The following PLA2G5 variants were observed in gnomAD, a reference collection of about 807,000 sequenced individuals.
PLA2G5 encodes the protein phospholipase A2 group V.
Under a neutral mutation model 15.9 loss-of-function variants are expected in PLA2G5, and 12 were observed. The observed-to-expected ratio is 0.76, with a 90% CI of 0.48 to 1.23. The LOEUF (loss-of-function observed/expected upper bound fraction) is 1.23. PLA2G5 is among the 50% of genes most tolerant of loss of function. The pLI is 0.00. For missense variants in PLA2G5, 169 were observed against 177.1 expected (o/e 0.95, Z 0.26); for synonymous variants, 71 against 71.4 (o/e 0.99, Z 0.03).
intron 1 of PLA2G5, among the ~76,000 whole-genome samples, chr1:20,044,254 C>A (rs897526211): frequency 1.3e-5 from 2 of 152,156 alleles, no homozygotes; most frequent in Non-Finnish European, 2.9e-5. Flanking sequence ...GGAGGTATGG[C>A]TGGGTTTTTT....
intron 1 of PLA2G5, among the ~76,000 whole-genome samples, chr1:20,036,573 CTT>C (rs1447898921): frequency 6.6e-6 from 1 of 152,072 alleles, no homozygotes; most frequent in Admixed American, 6.5e-5. Flanking sequence ...GTAAGTGTGT[CTT>C]TTATTTCCTG....
chr1:20,080,970 T>G (rs1408525964), intron 1 of PLA2G5, among the ~76,000 whole-genome samples: 1 of 151,866 alleles, frequency 6.6e-6, no homozygotes, highest in African/African-American at 2.4e-5. Flanking sequence ...GGCTCAGCAG[T>G]GCCTTCCGTG....
In PLA2G5 at chr1:20,091,767, A is replaced by T. The variant is rs1031717190; in HGVS notation, c.*1075A>T. On this transcript the variant is annotated 3_prime_UTR_variant, in exon 5 of 5. Transcript: ENST00000375108. ...AGAAGAAAGGATGTATTCCAAAACA[A>T]AGGAACATCCTTCCAAGAAAGGACC... 3.9e-5 allele frequency among the ~76,000 whole-genome samples: 6 copies of T among 152,252 alleles called. No homozygotes were observed. The highest frequency in any genetic ancestry group is 1.2e-4 in the African/African-American group (5 of 41,468).
At chr1:20,052,476 C>T (rs942935412) in intron 1 of PLA2G5, among the ~76,000 whole-genome samples, 4 of 152,166 alleles carry the variant, frequency 2.6e-5, no homozygotes, top group Admixed American at 1.3e-4. Context: ...GCATGGACCT[C>T]AGAGTAATGT....
At chr1:20,087,092 A>G (rs917691732) in intron 3 of PLA2G5, among the ~76,000 whole-genome samples, 7 of 152,236 alleles carry the variant, frequency 4.6e-5, no homozygotes, top group African/African-American at 1.7e-4. Flanking sequence ...ACTCCTGTTT[A>G]GCTTATTGTA....
intron 1 of PLA2G5, among the ~76,000 whole-genome samples, chr1:20,071,294 A>T (rs1000316640): frequency 6.6e-6 from 1 of 152,068 alleles, no homozygotes; most frequent in Non-Finnish European, 1.5e-5. Flanking sequence ...TTCAACAAAC[A>T]TTTTTTCCTA....
chr1:20,060,836 G>A (rs546929647), intron 2 of PLA2G5, among the ~76,000 whole-genome samples: 2 of 151,530 alleles, frequency 1.3e-5, no homozygotes, highest in Middle Eastern at 3.4e-3. Context: ...TCCTGCCTCA[G>A]ACCCCTGAGT....
In PLA2G5 at chr1:20,031,421, T is replaced by G. The variant is rs561945240; in HGVS notation, n.276+2712T>G. Among the ~76,000 whole-genome samples the G allele has an allele frequency of 5.9e-5, 9 of 151,756 alleles. No homozygotes were observed. In the South Asian group the frequency reaches 1.9e-3, roughly 32 times the overall value. The stretch of plus-strand genomic sequence containing the variant: ...CAAAGAAGACAAAAGGAGATTTGAG[T>G]GGGAGAGAAATTTTGGAAGATACCC... On this transcript the variant is annotated intron_variant and non_coding_transcript_variant, in intron 1 of 6. Coordinates refer to the PLA2G5 transcript ENST00000460175.
intron 1 of PLA2G5, among the ~76,000 whole-genome samples, chr1:20,080,263 T>G (rs2015935196): frequency 6.6e-6 from 1 of 152,074 alleles, no homozygotes; most frequent in South Asian, 2.1e-4. Context: ...CTGATCACTG[T>G]CCCTCCTGAT....
At chr1:20,031,370 T>A (rs1268247190) in intron 1 of PLA2G5, among the ~76,000 whole-genome samples, 1 of 152,032 alleles carries the variant, frequency 6.6e-6, no homozygotes, top group East Asian at 1.9e-4. Flanking sequence ...TGCCAGAGGC[T>A]GGGGGTGGAG....
chr1:20,042,225 C>G (rs990358658), intron 1 of PLA2G5, among the ~76,000 whole-genome samples: 2 of 152,114 alleles, frequency 1.3e-5, no homozygotes, highest in African/African-American at 4.8e-5. Flanking sequence ...GTGAAAGATA[C>G]TATAGCATAA....
intron 1 of PLA2G5, among the ~76,000 whole-genome samples, chr1:20,041,495 T>A (rs1171479068): frequency 6.6e-6 from 1 of 152,146 alleles, no homozygotes; most frequent in Non-Finnish European, 1.5e-5. Context: ...AATTTGCCAA[T>A]CCTGGGCAGG....
chr1:20,044,509 T>C (rs1043183498), intron 1 of PLA2G5, among the ~76,000 whole-genome samples: 2 of 152,168 alleles, frequency 1.3e-5, no homozygotes, highest in Non-Finnish European at 2.9e-5. Flanking sequence ...CTAAGGGTTG[T>C]TGCCAAACAA....
chr1:20,077,516 G>T (rs561603305), intron 1 of PLA2G5, among the ~76,000 whole-genome samples: 22 of 152,246 alleles, frequency 1.4e-4, no homozygotes, highest in African/African-American at 5.3e-4. Context: ...GGTTACAGAG[G>T]CGAAGCAGAC....
Position 20,036,927 on chromosome 1 carries a change from A to T in PLA2G5, n.276+8218A>T, listed in dbSNP as rs527485534. Reference sequence around the variant, plus strand: ...TGACCTGCCCACCTCAGCCTCCCAAACTGCTGGGATTACAGGCACGAGCCA... The same window carrying T: ...TGACCTGCCCACCTCAGCCTCCCAATCTGCTGGGATTACAGGCACGAGCCA... On this transcript the variant is annotated intron_variant and non_coding_transcript_variant, in intron 1 of 6. Transcript: ENST00000460175. Among the ~76,000 whole-genome samples the T allele has an allele frequency of 2.2e-4, 33 of 151,800 alleles. 1 individual carries two copies. In the South Asian group the frequency reaches 6.5e-3, roughly 30 times the overall value.
At chr1:20,063,847 C>A (rs185240425) in intron 2 of PLA2G5, among the ~76,000 whole-genome samples, 2 of 152,156 alleles carry the variant, frequency 1.3e-5, no homozygotes, top group African/African-American at 2.4e-5. Context: ...TCAGGGAACA[C>A]GAAATCTGTC....
rs74450740 is a variant in PLA2G5 at position 20,052,938 on chromosome 1, GC to G, written n.277-6689del. Among the ~76,000 whole-genome samples, 3,182 of 152,218 alleles carry G rather than the reference GC, an allele frequency of 0.021. 259 individuals carry two copies. In the East Asian group the frequency reaches 0.25, roughly 12 times the overall value. ...TCTGTTATCTACCTATGACCTGGAA[GC>G]CCCCTCCCCACTTCAAATTGTCCTG... On this transcript the variant is annotated intron_variant and non_coding_transcript_variant, in intron 1 of 6. Coordinates refer to the PLA2G5 transcript ENST00000460175.
intron 1 of PLA2G5, among the ~76,000 whole-genome samples, chr1:20,041,851 A>G (rs2013619426): frequency 6.6e-6 from 1 of 152,208 alleles, no homozygotes; most frequent in Admixed American, 6.5e-5. Context: ...AGTGAGGGAC[A>G]GAAGTTGGAA....
At chr1:20,067,624 G>A (rs2015106823), upstream of PLA2G5, among the ~76,000 whole-genome samples, 1 of 151,894 alleles carries the variant, frequency 6.6e-6, no homozygotes, top group African/African-American at 2.4e-5. Context: ...GGAGGCAGAG[G>A]TTGCAGTGAG....
Sources: gnomAD v4.1 joint callset for allele counts (sites outside exome capture counted in the v4.1 genomes callset) on GRCh38, gnomAD v4.1.1 for gene constraint, MANE v1.5 for transcripts, NCBI Gene and HGNC (gene_info 2026-07-23, HGNC 2026-07-21) for gene names.